Variants in COG3 observed in about 807,000 individuals in gnomAD.
COG3 encodes the protein conserved oligomeric Golgi complex subunit 3.
In COG3, 32 loss-of-function variants were observed where a neutral mutation model predicts 114.1. That is an observed-to-expected ratio of 0.28 (90% confidence interval 0.21 to 0.38). The LOEUF (loss-of-function observed/expected upper bound fraction) is 0.38. Among genes scored for constraint, COG3 ranks in the 10% least tolerant of loss-of-function variants. The probability of loss-of-function intolerance (pLI) is 1.00; values close to 1 mark genes in which losing one functional copy is unlikely to be tolerated. For synonymous variants in COG3, 352 were observed against 365.7 expected, an observed-to-expected ratio of 0.96 and a Z score of 0.43; for missense variants, 813 against 973.2, an observed-to-expected ratio of 0.84 and a Z score of 2.19.
At chr13:45,509,582 C>T in intron 14 of COG3, 110 bp from the exon 15 acceptor site, 5 of 1,377,574 alleles carry the variant, frequency 3.6e-6, no homozygotes, top group Admixed American at 2.1e-5. Context: ...TTGGTGCCCT[C>T]TAGCTACTTA....
Position 45,482,433 on chromosome 13 carries a change from T to G in COG3, c.677T>G (p.Leu226Arg). Residue 226 changes from leucine to arginine, a missense_variant, in exon 6 of 23, where the codon CTG becomes CGG. Leu to Arg is a moderately radical substitution (Grantham distance 102). This residue lies in a region of COG3 where 424 missense variants were observed against 430.6 expected (regional missense o/e 0.98). Transcript: ENST00000349995. ...SVNSDGFIPMLAKLDDCITYI... is the reference protein window; with the variant it reads ...SVNSDGFIPMRAKLDDCITYI... ...AATAGTGACGGATTTATACCTATGCTGGCCAAGTTAGATGATTGTATAACA... is the reference window on the plus strand; with the variant it reads ...AATAGTGACGGATTTATACCTATGCGGGCCAAGTTAGATGATTGTATAACA... 1 of 1,576,932 alleles carries G rather than the reference T, an allele frequency of 6.3e-7. No homozygotes were observed. The highest frequency in any genetic ancestry group is 8.7e-7 in the Non-Finnish European group (1 of 1,150,022).
intron 14 of COG3, among the ~76,000 whole-genome samples, chr13:45,508,403 T>TATACACAC (rs1352468701): frequency 1.5e-5 from 2 of 133,046 alleles, no homozygotes; most frequent in Non-Finnish European, 3.0e-5. Context: ...TATATATATA[T>TATACACAC]ACACACACAC....
intron 10 of COG3, among the ~76,000 whole-genome samples, chr13:45,491,876 T>C (rs1440828951): frequency 6.6e-6 from 1 of 151,316 alleles, no homozygotes; most frequent in African/African-American, 2.5e-5. Flanking sequence ...ATTTTTTTAC[T>C]ATAAAAAATG....
chr13:45,501,037 A>G (rs1453041761), intron 13 of COG3, among the ~76,000 whole-genome samples: 3 of 152,344 alleles, frequency 2.0e-5, no homozygotes, highest in East Asian at 3.9e-4. Flanking sequence ...TTATTACATC[A>G]TATTAAGGGT....
At chr13:45,483,184 ATC>A in intron 6 of COG3, 44 bp from the exon 7 acceptor site, 2 of 1,489,504 alleles carry the variant, frequency 1.3e-6, no homozygotes, top group Non-Finnish European at 1.8e-6. Context: ...CTTGCTTTTT[ATC>A]TGTGTTCATT....
intron 1 of COG3, 95 bp downstream of exon 1, chr13:45,465,305 G>C: frequency 6.7e-7 from 1 of 1,494,042 alleles, no homozygotes; most frequent in Non-Finnish European, 8.9e-7. Context: ...CTCTGCCCAG[G>C]ATATCTCTCC....
In COG3 at chr13:45,503,356, T is replaced by TA. The variant is rs778199361; in HGVS notation, c.1594+8dup. On this transcript the variant is annotated splice_region_variant and intron_variant, in intron 14 of 22. Coordinates refer to ENST00000349995, the MANE Select transcript of COG3 (RefSeq NM_031431.4). ...AACAGTCTGACAAAATCTGGTATGT[T>TA]ATGATGTCTTAACTGCCAGCATTTA... 10 of 1,360,712 alleles carry TA rather than the reference T, an allele frequency of 7.3e-6. No homozygotes were observed. The highest frequency in any genetic ancestry group is 1.4e-5 in the African/African-American group (1 of 70,086). The allele number at this position is 1,360,712 out of a possible 1,614,324, so 84.3% of individuals were successfully genotyped here. A position where few individuals can be genotyped will look rare whatever the true frequency, so the allele number is the denominator to read the frequency against.
In COG3 at chr13:45,535,776, T is replaced by C; in HGVS notation, c.*1045T>C. ...CACATCTGAAAACTACCACACCATA[T>C]CAGGGATCATAAATTATGCATATCT... On this transcript the variant is annotated 3_prime_UTR_variant, in exon 23 of 23. Transcript: ENST00000349995. 2 of 987,560 alleles carry C rather than the reference T, an allele frequency of 2.0e-6. No homozygotes were observed. The highest frequency in any genetic ancestry group is 2.4e-6 in the Non-Finnish European group (2 of 830,080). 61.2% of individuals were successfully genotyped at this position (987,560 alleles called of 1,614,324 possible).
At chr13:45,507,182 A>G (rs934811326) in intron 14 of COG3, among the ~76,000 whole-genome samples, 1 of 152,210 alleles carries the variant, frequency 6.6e-6, no homozygotes, top group Admixed American at 6.5e-5. Flanking sequence ...TGTTTGACTA[A>G]ACTTTTATTT....
chr13:45,529,950 C>T (rs778714589), intron 21 of COG3, 32 bp downstream of exon 21: 15 of 1,583,272 alleles, frequency 9.5e-6, no homozygotes, highest in Middle Eastern at 1.7e-4. Context: ...TGAATGTTGG[C>T]GGGTGACTTC....
chr13:45,519,226 A>G (rs943706030), intron 19 of COG3, 132 bp downstream of exon 19: 5 of 993,412 alleles, frequency 5.0e-6, no homozygotes, highest in East Asian at 5.0e-5. Flanking sequence ...TGTCTAGGAA[A>G]TCACTGTGTT....
Position 45,521,419 on chromosome 13 carries a change from C to T in COG3, c.2154+2325C>T, listed in dbSNP as rs190383469. On this transcript the variant is annotated intron_variant, in intron 19 of 22. Transcript: ENST00000349995. ...ACCACTTGTAGTTGCCTCCCTTTTC[C>T]TCTGTCAACCCTGGGCCCTCACTGC... 2.8e-3 allele frequency among the ~76,000 whole-genome samples: 420 copies of T among 151,358 alleles called. 6 individuals carry two copies. The highest frequency in any genetic ancestry group is 9.5e-3 in the African/African-American group (391 of 41,332).
chr13:45,509,954 AG>A (rs1870674214), intron 15 of COG3, 138 bp downstream of exon 15: 1 of 889,426 alleles, frequency 1.1e-6, no homozygotes, highest in African/African-American at 1.7e-5. Flanking sequence ...CTTGAGGTCA[AG>A]CTAATTTAGG....
At chr13:45,479,954 C>T (rs963076034) in intron 3 of COG3, among the ~76,000 whole-genome samples, 171 bp from the exon 4 acceptor site, 8 of 152,176 alleles carry the variant, frequency 5.3e-5, no homozygotes, top group East Asian at 1.9e-4. Flanking sequence ...AGTATTGAAA[C>T]GGTTTATGAC....
intron 1 of COG3, among the ~76,000 whole-genome samples, chr13:45,473,736 G>A (rs1398486917): frequency 6.6e-6 from 1 of 152,178 alleles, no homozygotes; most frequent in Non-Finnish European, 1.5e-5. Flanking sequence ...TGAGTCTTGG[G>A]TGGCTCCCCA....
At position 45,525,064 on chromosome 13, in the gene COG3, G is replaced by T; in HGVS notation, c.2230+13G>T. On this transcript the variant is annotated intron_variant, in intron 20 of 22. Transcript: ENST00000349995. Reference sequence around the variant, plus strand: ...TGGGCACAACCAGGTATTCTGATTTGACCATTTTGGATTTCTTTTTTAGGA... The same window carrying T: ...TGGGCACAACCAGGTATTCTGATTTTACCATTTTGGATTTCTTTTTTAGGA... 2 of 1,608,494 alleles carry T rather than the reference G, an allele frequency of 1.2e-6. No homozygotes were observed. Among genetic ancestry groups the T allele is most frequent in the South Asian group, 2.2e-5 (2 of 90,790 alleles).
chr13:45,483,490 C>G, intron 7 of COG3, 135 bp downstream of exon 7: 1 of 495,030 alleles, frequency 2.0e-6, no homozygotes, highest in Non-Finnish European at 3.4e-6. Flanking sequence ...ATATGTACTA[C>G]AGCTTTTTAT....
chr13:45,514,682 CTG>C (rs1425619308), intron 16 of COG3, among the ~76,000 whole-genome samples: 1 of 151,920 alleles, frequency 6.6e-6, no homozygotes, highest in African/African-American at 2.4e-5. Context: ...GAGTCTCCCT[CTG>C]TCGCCCAGGC....
Position 45,518,790 on chromosome 13 carries a change from G to A in COG3, c.1959G>A (p.Met653Ile), listed in dbSNP as rs749602385. ...RDAAFKILNP[M>I]TVPRFFRLNS... ...CAGCATTTAAAATCCTGAACCCTAT[G>A]ACTGTCCCAAGATTTTTTAGGCTGA... The change falls in exon 18 of 23, where the codon ATG becomes ATA. Residue 653 changes from methionine to isoleucine, a missense_variant. Physicochemically the swap from Met to Ile is conservative, Grantham distance 10. Transcript: ENST00000349995. The A allele has an allele frequency of 1.2e-6, 2 of 1,613,824 alleles. No individual in the cohort carries two copies. Among genetic ancestry groups the A allele is most frequent in the African/African-American group, 1.3e-5 (1 of 74,922 alleles).
Sources: gnomAD v4.1 joint callset for allele counts (sites outside exome capture counted in the v4.1 genomes callset) on GRCh38, gnomAD v4.1.1 for gene constraint, gnomAD v4.1.1 regional missense constraint, MANE v1.5 for transcripts, NCBI Gene and HGNC (gene_info 2026-07-23, HGNC 2026-07-21) for gene names.